The following NDEL1 variants were observed in gnomAD, a reference collection of about 807,000 sequenced individuals.
NDEL1 encodes the protein nudE neurodevelopment protein 1 like 1.
Under a neutral mutation model 45.7 loss-of-function variants are expected in NDEL1, and 9 were observed. The ratio of observed to expected loss-of-function variants is 0.20; its 90% CI spans 0.12 to 0.34. NDEL1 has a LOEUF of 0.34. Among genes scored for constraint, NDEL1 ranks in the 10% least tolerant of loss-of-function variants. NDEL1 has a pLI of 1.00. For missense variants in NDEL1, 306 were observed against 406.2 expected (o/e 0.75, Z 2.12); for synonymous variants, 133 against 158.6 (o/e 0.84, Z 1.21).
chr17:8,463,773 C>T (rs1249453547), intron 8 of NDEL1, among the ~76,000 whole-genome samples: 1 of 152,230 alleles, frequency 6.6e-6, no homozygotes, highest in African/African-American at 2.4e-5. Context: ...TGTGAGCATT[C>T]CCTCACCTCT....
At chr17:8,463,116 G>A in intron 8 of NDEL1, 1 of 451,138 alleles carries the variant, frequency 2.2e-6, no homozygotes, top group Non-Finnish European at 4.0e-6. Context: ...CATTTCATGT[G>A]GAGTGTGGTC....
intron 7 of NDEL1, among the ~76,000 whole-genome samples, chr17:8,457,602 A>T (rs1422635190): frequency 6.6e-6 from 1 of 151,854 alleles, no homozygotes; most frequent in Non-Finnish European, 1.5e-5. Context: ...GCCCTTCTCC[A>T]CTCTTGCATG....
chr17:8,415,139 T>C (rs1366308504), intron 1 of NDEL1, among the ~76,000 whole-genome samples: 2 of 143,218 alleles, frequency 1.4e-5, no homozygotes, highest in African/African-American at 5.1e-5. Flanking sequence ...GCCTCTTCTC[T>C]CTTTCTGTCT....
At chr17:8,425,830 T>C (rs986199548) in intron 1 of NDEL1, among the ~76,000 whole-genome samples, 1 of 152,062 alleles carries the variant, frequency 6.6e-6, no homozygotes, top group African/African-American at 2.4e-5. Context: ...CTTGCTCTGT[T>C]ACCCAGGCAA....
chr17:8,472,714 T>C (rs753991386), downstream of NDEL1, among the ~76,000 whole-genome samples: 4 of 144,862 alleles, frequency 2.8e-5, no homozygotes, highest in Non-Finnish European at 4.5e-5. Context: ...AATAGTCCAC[T>C]GGAATGGCTG....
At chr17:8,470,562 T>A (rs566992206), downstream of NDEL1, among the ~76,000 whole-genome samples, 81 of 152,252 alleles carry the variant, frequency 5.3e-4, 1 homozygote, top group African/African-American at 1.9e-3. This position sits in a 1 kb window ranked among gnomAD's most constrained non-coding sequence, Gnocchi z 4.2. Context: ...GCAAGAACTA[T>A]ACAGAGGTGA....
intron 5 of NDEL1, among the ~76,000 whole-genome samples, chr17:8,449,822 T>A (rs1164274933): frequency 6.6e-6 from 1 of 152,244 alleles, no homozygotes; most frequent in Non-Finnish European, 1.5e-5. Flanking sequence ...CTATTGCGAA[T>A]GATACCGCTG....
At chr17:8,455,592 C>T (rs768784186) in intron 7 of NDEL1, among the ~76,000 whole-genome samples, 24 of 146,594 alleles carry the variant, frequency 1.6e-4, no homozygotes, top group Non-Finnish European at 1.3e-4. Flanking sequence ...GAGGCTGAGG[C>T]AAGAGAATCA....
intron 5 of NDEL1, 64 bp downstream of exon 5, chr17:8,448,750 C>T (rs1255223283): frequency 7.0e-7 from 1 of 1,436,252 alleles, no homozygotes; most frequent in African/African-American, 1.4e-5. Flanking sequence ...ATTGTGTGGG[C>T]CCACTTATAC....
At chr17:8,426,259 C>A (rs1908828131) in intron 1 of NDEL1, among the ~76,000 whole-genome samples, 1 of 152,188 alleles carries the variant, frequency 6.6e-6, no homozygotes, top group Non-Finnish European at 1.5e-5. Flanking sequence ...GAAGCATGAT[C>A]TTTTGGTCCT....
At chr17:8,415,884 A>G (rs1165422336) in intron 1 of NDEL1, among the ~76,000 whole-genome samples, 1 of 152,086 alleles carries the variant, frequency 6.6e-6, no homozygotes, top group East Asian at 1.9e-4. Context: ...AGTAGCCGGG[A>G]TTACAGGCGC....
In NDEL1 at chr17:8,435,884, AG is replaced by A. The variant is rs1429544264; in HGVS notation, c.-173del. ...ACAGAATGGCCTCGGACACCCAGGCAGTCCCTGACGTGTCGGGGAGGAGCCG... is the reference window on the plus strand; with the variant it reads ...ACAGAATGGCCTCGGACACCCAGGCATCCCTGACGTGTCGGGGAGGAGCCG... On this transcript the variant is annotated 5_prime_UTR_variant, in exon 1 of 9. Coordinates refer to ENST00000334527, the MANE Select transcript of NDEL1 (RefSeq NM_030808.5). 2.2e-6 allele frequency: 1 copy of A among 447,534 alleles called. No homozygotes were observed. Among genetic ancestry groups the A allele is most frequent in the East Asian group, 7.6e-5 (1 of 13,172 alleles). 27.7% of individuals were successfully genotyped at this position (447,534 alleles called of 1,614,324 possible).
rs1028133856 is a variant in NDEL1 at position 8,460,333 on chromosome 17, G to A, written c.944+173G>A. Among the ~76,000 whole-genome samples, 6 of 152,136 alleles carry A rather than the reference G, an allele frequency of 3.9e-5. No individual in the cohort carries two copies. The South Asian group carries it at 1.2e-3, about 32-fold the overall frequency. On this transcript the variant is annotated intron_variant, in intron 8 of 8. Coordinates refer to ENST00000334527, the MANE Select transcript of NDEL1 (RefSeq NM_030808.5). ...CTGTTGTTGTCCTCTAGTCCCCATG[G>A]AGTCTGTTGCCCCAGGAACCCTGAA...
Position 8,445,835 on chromosome 17 carries a change from A to C in NDEL1, c.211A>C (p.Arg71=). 6.4e-7 allele frequency: 1 copy of C among 1,558,672 alleles called. No homozygotes were observed. The highest frequency in any genetic ancestry group is 8.6e-7 in the Non-Finnish European group (1 of 1,157,626). Residue 71 remains arginine (R), a synonymous_variant, in exon 3 of 9, where the codon AGA becomes CGA. Coordinates refer to ENST00000334527, the MANE Select transcript of NDEL1 (RefSeq NM_030808.5). ...RNRDLQADNQ[R]LKYEVEALKE... is the part of the protein sequence containing the mutation. ...TAGAGACTTGCAGGCTGATAACCAAAGACTGAAATATGAAGTGGAGGCATT... is the reference window on the plus strand; with the variant it reads ...TAGAGACTTGCAGGCTGATAACCAACGACTGAAATATGAAGTGGAGGCATT...
At chr17:8,413,962 A>C (rs115285510) in intron 1 of NDEL1, among the ~76,000 whole-genome samples, 127 of 152,368 alleles carry the variant, frequency 8.3e-4, no homozygotes, top group African/African-American at 3.0e-3. Flanking sequence ...AAGTGTTTGC[A>C]TAATTCTATC....
intron 7 of NDEL1, among the ~76,000 whole-genome samples, chr17:8,457,855 T>C (rs143194089): frequency 6.2e-4 from 95 of 152,370 alleles, no homozygotes; most frequent in African/African-American, 2.1e-3. Context: ...TGCGTTAATA[T>C]TTATGTATAA....
At chr17:8,464,233 T>A (rs1911427968) in intron 8 of NDEL1, 1 of 152,074 alleles carries the variant, frequency 6.6e-6, no homozygotes, top group Non-Finnish European at 1.5e-5. Flanking sequence ...GATCATGAAA[T>A]TTTATAGCTC....
chr17:8,468,388 A>G (rs1287425856), downstream of NDEL1, among the ~76,000 whole-genome samples: 1 of 152,214 alleles, frequency 6.6e-6, no homozygotes. Flanking sequence ...CAGTTTGAGA[A>G]TGGCCTGGGC....
intron 1 of NDEL1, among the ~76,000 whole-genome samples, chr17:8,424,161 C>G (rs369255707): frequency 6.6e-6 from 1 of 152,178 alleles, no homozygotes; most frequent in Non-Finnish European, 1.5e-5. Context: ...TAACGTATAA[C>G]GTATGTATGT....
Sources: gnomAD v4.1 joint callset for allele counts (sites outside exome capture counted in the v4.1 genomes callset) on GRCh38, gnomAD v4.1.1 for gene constraint, Gnocchi (gnomAD v3.1) non-coding constraint, MANE v1.5 for transcripts, NCBI Gene and HGNC (gene_info 2026-07-23, HGNC 2026-07-21) for gene names.